The following TMEM185A variants were observed in gnomAD, a reference collection of about 807,000 sequenced individuals.
TMEM185A encodes the protein transmembrane protein 185A.
TMEM185A carries 9 observed loss-of-function variants against 25.0 expected under a neutral mutation model. The ratio of observed to expected loss-of-function variants is 0.36; its 90% CI spans 0.22 to 0.63. The LOEUF (loss-of-function observed/expected upper bound fraction) is 0.63. TMEM185A is among the 20% of genes least tolerant of loss of function. The pLI is 0.68. For missense variants in TMEM185A, 103 were observed against 237.4 expected (o/e 0.43, Z 3.72); for synonymous variants, 45 against 93.5 (o/e 0.48, Z 2.99).
At chrX:149,617,020 A>T (rs1042404508) in intron 1 of TMEM185A, among the ~76,000 whole-genome samples, 1 of 112,529 alleles carries the variant, frequency 8.9e-6, no homozygotes, top group South Asian at 3.7e-4. Context: ...AAACAACTCA[A>T]TGGAGAAATA....
At chrX:149,618,023 A>G (rs1403868045) in intron 1 of TMEM185A, among the ~76,000 whole-genome samples, 1 of 111,850 alleles carries the variant, frequency 8.9e-6, no homozygotes, top group African/African-American at 3.2e-5. Flanking sequence ...AAGGAACAGA[A>G]AGCTCAGATG....
chrX:149,630,266 T>C (rs1431232263), intron 1 of TMEM185A, among the ~76,000 whole-genome samples: 1 of 111,452 alleles, frequency 9.0e-6, no homozygotes, highest in Non-Finnish European at 1.9e-5. Flanking sequence ...ACTCACAAGT[T>C]AAAATGTCAC....
intron 3 of TMEM185A, among the ~76,000 whole-genome samples, chrX:149,605,978 T>G (rs2090049430): frequency 8.9e-6 from 1 of 112,494 alleles, no homozygotes; most frequent in South Asian, 3.7e-4. Flanking sequence ...AAGAAATCCC[T>G]AATGTGGCTG....
chrX:149,631,312 C>G (rs965130649), intron 1 of TMEM185A, among the ~76,000 whole-genome samples: 26 of 110,849 alleles, frequency 2.3e-4, no homozygotes, highest in African/African-American at 7.9e-4. Flanking sequence ...CGGGCCCTTC[C>G]GGCCGTGGCC....
chrX:149,608,852 G>A lies in TMEM185A; in HGVS notation c.216-18C>T. 1 of 1,188,662 alleles carries A rather than the reference G, an allele frequency of 8.4e-7. No individual in the cohort carries two copies. The highest frequency in any genetic ancestry group is 1.7e-5 in the African/African-American group (1 of 57,209). On this transcript the variant is annotated intron_variant, in intron 2 of 6. Transcript: ENST00000600449. Reference sequence around the variant, plus strand: ...CTTCTGCTCTAAAAAAGGGAGAGAAGAAGAAAACACCCTCAGTTCAGAATC... The same window carrying A: ...CTTCTGCTCTAAAAAAGGGAGAGAAAAAGAAAACACCCTCAGTTCAGAATC...
At chrX:149,606,198 C>T (rs2090050554) in intron 3 of TMEM185A, among the ~76,000 whole-genome samples, 1 of 112,581 alleles carries the variant, frequency 8.9e-6, no homozygotes, top group African/African-American at 3.2e-5. Context: ...TGCTCCCACT[C>T]GTTACCTGTT....
At chrX:149,610,779 G>A (rs1300384381) in intron 2 of TMEM185A, among the ~76,000 whole-genome samples, 6 of 111,501 alleles carry the variant, frequency 5.4e-5, no homozygotes, top group Admixed American at 9.5e-5. Context: ...TTTCCTTCTC[G>A]GCATCCAATC....
chrX:149,610,997 C>T (rs2090080372), intron 2 of TMEM185A, among the ~76,000 whole-genome samples: 1 of 111,800 alleles, frequency 8.9e-6, no homozygotes, highest in African/African-American at 3.3e-5. Flanking sequence ...TGGTTTCATG[C>T]TGCTTAGTCT....
At chrX:149,628,371 T>C (rs2090174395) in intron 1 of TMEM185A, among the ~76,000 whole-genome samples, 1 of 112,084 alleles carries the variant, frequency 8.9e-6, no homozygotes, top group South Asian at 3.7e-4. Context: ...GCTCTTTCAC[T>C]GTTAGGAAGC....
At chrX:149,622,221 G>A (rs949891805) in intron 1 of TMEM185A, among the ~76,000 whole-genome samples, 6 of 112,236 alleles carry the variant, frequency 5.3e-5, no homozygotes, top group African/African-American at 1.3e-4. Flanking sequence ...TTTCAAAGCC[G>A]AAAGTATTAA....
At chrX:149,630,347 G>A (rs782580444) in intron 1 of TMEM185A, among the ~76,000 whole-genome samples, 1 of 107,518 alleles carries the variant, frequency 9.3e-6, no homozygotes, top group African/African-American at 3.4e-5. Context: ...TCAACAAGCA[G>A]CCAAGGCATA....
intron 1 of TMEM185A, among the ~76,000 whole-genome samples, chrX:149,614,995 A>C (rs1229918534): frequency 1.8e-5 from 2 of 112,430 alleles, no homozygotes; most frequent in African/African-American, 6.5e-5. Flanking sequence ...TTATGAAGCC[A>C]GCATTACCCT....
At chrX:149,620,022 C>T in intron 1 of TMEM185A, among the ~76,000 whole-genome samples, 1 of 111,423 alleles carries the variant, frequency 9.0e-6, no homozygotes, top group Non-Finnish European at 1.9e-5. Flanking sequence ...AATAGGAACA[C>T]TTTTACACTG....
chrX:149,629,021 G>T (rs1463088794), intron 1 of TMEM185A, among the ~76,000 whole-genome samples: 1 of 111,952 alleles, frequency 8.9e-6, no homozygotes, highest in African/African-American at 3.3e-5. Flanking sequence ...AGTGGGGGAG[G>T]CAGGTATTAA....
chrX:149,606,039 T>C (rs1557353426), intron 3 of TMEM185A, among the ~76,000 whole-genome samples: 1 of 112,305 alleles, frequency 8.9e-6, no homozygotes, highest in East Asian at 2.8e-4. Context: ...ACTTAGTAAG[T>C]ATTTCTAAGT....
chrX:149,608,365 C>A, intron 3 of TMEM185A: 3 of 205,207 alleles, frequency 1.5e-5, no homozygotes, highest in Middle Eastern at 1.6e-3. Flanking sequence ...GAGTTTCATT[C>A]TGTCACCCAG....
intron 1 of TMEM185A, among the ~76,000 whole-genome samples, chrX:149,629,796 G>A (rs1341036803): frequency 8.9e-6 from 1 of 111,968 alleles, no homozygotes; most frequent in East Asian, 2.8e-4. Flanking sequence ...TGGCAACTCC[G>A]TTAGCCTGTT....
intron 1 of TMEM185A, among the ~76,000 whole-genome samples, chrX:149,619,279 T>G (rs1557355324): frequency 8.9e-6 from 1 of 111,954 alleles, no homozygotes; most frequent in Non-Finnish European, 1.9e-5. Context: ...CTTACTATCT[T>G]CACCAACTTC....
chrX:149,631,668 A>C lies in TMEM185A; in HGVS notation c.-88T>G, dbSNP rs1557356687. 1.0e-4 allele frequency: 98 copies of C among 939,570 alleles called. No individual in the cohort carries two copies. In the South Asian group the frequency reaches 2.5e-3, roughly 24 times the overall value. 77.4% of individuals were successfully genotyped at this position (939,570 alleles called of 1,213,427 possible). On this transcript the variant is annotated 5_prime_UTR_variant, in exon 1 of 7. Coordinates refer to ENST00000600449, the MANE Select transcript of TMEM185A (RefSeq NM_032508.4). ...CGCCTTACAGCGGGTTCATGGCGCC[A>C]GCGCCAGCCGCGTCCACGCTGCTGC...
Sources: allele counts gnomAD v4.1 joint callset (sites outside exome capture counted in the v4.1 genomes callset), GRCh38; gene constraint gnomAD v4.1.1; transcripts MANE v1.5; gene names NCBI Gene and HGNC (gene_info 2026-07-23, HGNC 2026-07-21).